The following SERPINA9 variants were observed in gnomAD, a reference collection of about 807,000 sequenced individuals.
SERPINA9 encodes the protein serpin family A member 9.
Under a neutral mutation model 24.5 loss-of-function variants are expected in SERPINA9, and 32 were observed. The ratio of observed to expected loss-of-function variants is 1.30; its 90% CI spans 0.98 to 1.75. The LOEUF is 1.75. SERPINA9 is among the 40% of genes most tolerant of loss of function. The pLI is 0.00. For missense variants in SERPINA9, 594 were observed against 497.1 expected, an observed-to-expected ratio of 1.19 and a Z score of -1.85; for synonymous variants, 233 against 197.7, an observed-to-expected ratio of 1.18 and a Z score of -1.50.
chr14:94,475,862 T>G (rs1281246376), intron 1 of SERPINA9: 1 of 512,620 alleles, frequency 2.0e-6, no homozygotes, highest in Non-Finnish European at 3.4e-6. Context: ...CCTATTTCAA[T>G]ACTCCTCCCC....
intron 4 of SERPINA9, 56 bp downstream of exon 4, chr14:94,464,651 A>G: frequency 7.1e-7 from 1 of 1,400,120 alleles, no homozygotes; most frequent in Non-Finnish European, 1.0e-6. Context: ...GCATGTGATT[A>G]ATTCTGCAGG....
intron 1 of SERPINA9, among the ~76,000 whole-genome samples, chr14:94,472,495 C>T (rs137861858): frequency 5.6e-4 from 86 of 152,308 alleles, no homozygotes; most frequent in African/African-American, 1.8e-3. Flanking sequence ...ACTGACCACA[C>T]GCGTGCCTTT....
In SERPINA9 at chr14:94,462,930, G is replaced by T. The variant is rs1251947511; in HGVS notation, c.*163C>A. The T allele has an allele frequency of 3.2e-6, 2 of 630,400 alleles. No individual in the cohort carries two copies. The highest frequency in any genetic ancestry group is 5.7e-6 in the Non-Finnish European group (2 of 352,332). 39.1% of individuals were successfully genotyped at this position (630,400 alleles called of 1,614,324 possible). On this transcript the variant is annotated 3_prime_UTR_variant, in exon 5 of 5. Coordinates refer to ENST00000674397, the MANE Select transcript of SERPINA9 (RefSeq NM_175739.4). ...GTTAATGGGTGTTGGCTTGTGACTG[G>T]GGTCCCTGTTGATGGTTTGGTGATT...
intron 1 of SERPINA9, among the ~76,000 whole-genome samples, chr14:94,472,050 G>A (rs1035671156): frequency 6.6e-6 from 1 of 152,216 alleles, no homozygotes; most frequent in Non-Finnish European, 1.5e-5. Flanking sequence ...AGATAGAAGT[G>A]TTGGGGCTAC....
At position 94,469,637 on chromosome 14, in the gene SERPINA9, G is replaced by T. The variant is rs773688275; in HGVS notation, c.204C>A (p.Ile68=). 43 of 1,614,016 alleles carry T rather than the reference G, an allele frequency of 2.7e-5. No individual in the cohort carries two copies. Among genetic ancestry groups the T allele is most frequent in the Admixed American group, 6.7e-5 (4 of 60,002 alleles). Residue 68 remains isoleucine, a synonymous_variant, in exon 2 of 5, where the codon ATC becomes ATA. Coordinates refer to ENST00000674397, the MANE Select transcript of SERPINA9 (RefSeq NM_175739.4). The stretch of plus-strand genomic sequence containing the variant: ...TGGAGACACTCACAGGGGAGAAGAA[G>T]ATGTTCTGACTCGGGGTCTCCAAAA... ...RLVLETPSQN[I]FFSPVSVSTS... is the part of the protein sequence containing the mutation.
chr14:94,469,571 G>C lies in SERPINA9; in HGVS notation c.270C>G (p.Thr90=). The change falls in exon 2 of 5, where the codon ACC becomes ACG. Residue 90 remains threonine (T), a synonymous_variant. Transcript: ENST00000674397. ...CCAGGCCCTGGAGAATCTGGGTCTT[G>C]GTGACTGAGTGGGCCCCAAGGGAGA... ...AMLSLGAHSV[T]KTQILQGLGF... 6.2e-7 allele frequency: 1 copy of C among 1,614,172 alleles called. No individual in the cohort carries two copies. Among genetic ancestry groups the C allele is most frequent in the Non-Finnish European group, 8.5e-7 (1 of 1,180,030 alleles).
chr14:94,467,012 A>C, intron 3 of SERPINA9, 97 bp downstream of exon 3: 1 of 1,381,248 alleles, frequency 7.2e-7, no homozygotes, highest in Non-Finnish European at 1.0e-6. Flanking sequence ...CACTGTGCAG[A>C]AGTGATTATC....
intron 2 of SERPINA9, among the ~76,000 whole-genome samples, chr14:94,468,384 G>A (rs530853088): frequency 1.3e-5 from 2 of 151,874 alleles, no homozygotes; most frequent in Non-Finnish European, 2.9e-5. Flanking sequence ...AGGGAGGGAG[G>A]AAGGAAGGGA....
chr14:94,468,858 G>A (rs1899148812), intron 2 of SERPINA9, among the ~76,000 whole-genome samples: 1 of 152,216 alleles, frequency 6.6e-6, no homozygotes, highest in Non-Finnish European at 1.5e-5. Flanking sequence ...AGAGTTCCAT[G>A]TTTCTTTCTA....
chr14:94,467,406 T>A (rs777734058), intron 2 of SERPINA9, 24 bp from the exon 3 acceptor site: 1 of 1,572,574 alleles, frequency 6.4e-7, no homozygotes. Context: ...AGAAAAGAAG[T>A]CTTTATGTCA....
intron 1 of SERPINA9, among the ~76,000 whole-genome samples, chr14:94,471,686 C>A (rs546392624): frequency 2.0e-5 from 3 of 152,158 alleles, no homozygotes; most frequent in Non-Finnish European, 4.4e-5. Flanking sequence ...GGACTCTTTG[C>A]CAACCTGTTC....
At chr14:94,475,718 AAC>A (rs1899589301) in intron 1 of SERPINA9, among the ~76,000 whole-genome samples, 1 of 152,028 alleles carries the variant, frequency 6.6e-6, no homozygotes, top group Non-Finnish European at 1.5e-5. Context: ...TCTGCACTTA[AAC>A]ACTCCCTCTC....
At chr14:94,475,766 A>T (rs546598729) in intron 1 of SERPINA9, among the ~76,000 whole-genome samples, 1 of 152,206 alleles carries the variant, frequency 6.6e-6, no homozygotes, top group African/African-American at 2.4e-5. Context: ...AAACTGTTCA[A>T]GTCTTGCTCG....
In SERPINA9 at chr14:94,462,958, G is replaced by A; in HGVS notation, c.*135C>T. On this transcript the variant is annotated 3_prime_UTR_variant, in exon 5 of 5. Coordinates refer to ENST00000674397, the MANE Select transcript of SERPINA9 (RefSeq NM_175739.4). ...TCCCTGTTGATGGTTTGGTGATTGA[G>A]CCTTGGAAGTGGCATCCCTGCCAGC... 1 of 724,598 alleles carries A rather than the reference G, an allele frequency of 1.4e-6. No homozygotes were observed. The highest frequency in any genetic ancestry group is 1.7e-5 in the South Asian group (1 of 58,944). 44.9% of individuals were successfully genotyped at this position (724,598 alleles called of 1,614,324 possible).
rs1898923459 is a variant in SERPINA9 at position 94,464,835 on chromosome 14, G to C, written c.922C>G (p.Pro308Ala). 9 of 1,613,792 alleles carry C rather than the reference G, an allele frequency of 5.6e-6. No homozygotes were observed. In the Middle Eastern group the frequency reaches 8.3e-4, roughly 148 times the overall value. ...TAGGAGGCAGAAATGGAAAATCTGGGGATGAACACCTCTATCCACCTGTGG... is the reference window on the plus strand; with the variant it reads ...TAGGAGGCAGAAATGGAAAATCTGGCGATGAACACCTCTATCCACCTGTGG... ...LQKRWIEVFI[P>A]RFSISASYNL... Residue 308 changes from proline to alanine, a missense_variant, in exon 4 of 5, where the codon CCC (proline) becomes GCC (alanine). Pro to Ala is a conservative substitution (Grantham distance 27). Coordinates refer to ENST00000674397, the MANE Select transcript of SERPINA9 (RefSeq NM_175739.4).
rs1898813265 is a variant in SERPINA9 at position 94,463,038 on chromosome 14, TTTG to T, written c.*52_*54del. The T allele has an allele frequency of 1.4e-5, 20 of 1,424,230 alleles. No individual in the cohort carries two copies. The highest frequency in any genetic ancestry group is 2.0e-5 in the Non-Finnish European group (20 of 1,007,188). The allele number at this position is 1,424,230 out of a possible 1,614,324, so 88.2% of individuals were successfully genotyped here. ...CCTCAGAACAGAAAGAGGGATGTGG[TTTG>T]TTATTTCTTGTGCATTAGCAATGTG... On this transcript the variant is annotated 3_prime_UTR_variant, in exon 5 of 5. Coordinates refer to ENST00000674397, the MANE Select transcript of SERPINA9 (RefSeq NM_175739.4).
At chr14:94,473,960 G>A (rs1298419336) in intron 1 of SERPINA9, among the ~76,000 whole-genome samples, 1 of 152,270 alleles carries the variant, frequency 6.6e-6, no homozygotes. Context: ...GCCCAGTGCG[G>A]CATCCAGCCC....
At chr14:94,469,944 CA>C (rs1899231816) in intron 1 of SERPINA9, 87 bp from the exon 2 acceptor site, 1 of 1,133,168 alleles carries the variant, frequency 8.8e-7, no homozygotes. Flanking sequence ...ACGCCATCAG[CA>C]GCAGAATGAG....
At chr14:94,474,338 G>A (rs1457891876) in intron 1 of SERPINA9, among the ~76,000 whole-genome samples, 2 of 152,202 alleles carry the variant, frequency 1.3e-5, no homozygotes, top group Non-Finnish European at 2.9e-5. Flanking sequence ...GGCTTGGGTT[G>A]AGTAGGGGAG....
Sources: allele counts gnomAD v4.1 joint callset (sites outside exome capture counted in the v4.1 genomes callset), GRCh38; gene constraint gnomAD v4.1.1; transcripts MANE v1.5; gene names NCBI Gene and HGNC (gene_info 2026-07-23, HGNC 2026-07-21).